MLLT3: variants seen among roughly 807,000 people sequenced by gnomAD.
MLLT3 encodes protein AF-9.
Under a neutral mutation model 53.2 loss-of-function variants are expected in MLLT3, and 4 were observed. The observed-to-expected ratio is 0.08, with a 90% CI of 0.04 to 0.17. MLLT3 has a LOEUF of 0.17. MLLT3 is among the 10% of genes least tolerant of loss of function. The pLI, the probability that MLLT3 is intolerant of heterozygous loss-of-function variation, is 1.00. For missense variants in MLLT3, 569 were observed against 684.0 expected, an observed-to-expected ratio of 0.83 and a Z score of 1.87; for synonymous variants, 283 against 230.6, an observed-to-expected ratio of 1.23 and a Z score of -2.06.
At chr9:20,582,228 A>G (rs1380883720) in intron 2 of MLLT3, among the ~76,000 whole-genome samples, 1 of 152,160 alleles carries the variant, frequency 6.6e-6, no homozygotes, top group African/African-American at 2.4e-5. Context: ...CAACATTGAC[A>G]CACTATTAAC....
At chr9:20,596,003 C>T (rs964393422) in intron 2 of MLLT3, among the ~76,000 whole-genome samples, 1 of 152,146 alleles carries the variant, frequency 6.6e-6, no homozygotes, top group African/African-American at 2.4e-5. Context: ...CCACATATGT[C>T]TAGTGGCTAT....
chr9:20,576,865 A>G (rs1054541350), intron 2 of MLLT3, among the ~76,000 whole-genome samples: 9 of 152,160 alleles, frequency 5.9e-5, no homozygotes, highest in Admixed American at 3.3e-4. Flanking sequence ...ATCCAGCCAG[A>G]TGTGGTGGCA....
At chr9:20,567,569 T>A (rs779408372) in intron 2 of MLLT3, among the ~76,000 whole-genome samples, 7 of 152,104 alleles carry the variant, frequency 4.6e-5, no homozygotes, top group Non-Finnish European at 7.4e-5. Context: ...ACAGTTCTCC[T>A]TTTCCTTGCC....
intron 2 of MLLT3, among the ~76,000 whole-genome samples, chr9:20,615,336 C>T (rs1171605743): frequency 8.1e-6 from 1 of 123,754 alleles, no homozygotes; most frequent in African/African-American, 3.1e-5. Flanking sequence ...ACAACCCAGC[C>T]TGGGTGACAG....
At chr9:20,499,653 T>C (rs1825167683) in intron 2 of MLLT3, among the ~76,000 whole-genome samples, 1 of 152,220 alleles carries the variant, frequency 6.6e-6, no homozygotes, top group Non-Finnish European at 1.5e-5. Context: ...TTCCTTGCAA[T>C]ACAATCAGCT....
At chr9:20,522,677 TG>T (rs943257539) in intron 2 of MLLT3, among the ~76,000 whole-genome samples, 6 of 114,052 alleles carry the variant, frequency 5.3e-5, no homozygotes, top group African/African-American at 1.0e-4. Flanking sequence ...TAAAAACAGT[TG>T]TTTTTTTTCT....
intron 4 of MLLT3, among the ~76,000 whole-genome samples, chr9:20,434,308 G>C (rs1347015058): frequency 6.6e-6 from 1 of 152,028 alleles, no homozygotes; most frequent in Non-Finnish European, 1.5e-5. Flanking sequence ...AGGGACAACG[G>C]AGCATCAATA....
chr9:20,382,487 A>T (rs1821929922), intron 5 of MLLT3: 1 of 151,902 alleles, frequency 6.6e-6, no homozygotes, highest in South Asian at 2.1e-4. Flanking sequence ...TCTTGAAAAG[A>T]AAGAAGTCTC....
At position 20,342,848 on chromosome 9, in the gene MLLT3, AT is replaced by A; in HGVS notation, c.*3594del. On this transcript the variant is annotated 3_prime_UTR_variant, in exon 11 of 11. Transcript: ENST00000380338. ...AATATATATGTGTATATATATATATATATGTATATATAAATATAGGAGCAGT... is the reference window on the plus strand; with the variant it reads ...AATATATATGTGTATATATATATATAATGTATATATAAATATAGGAGCAGT... 5.8e-6 allele frequency: 1 copy of A among 172,788 alleles called. No homozygotes were observed. The highest frequency in any genetic ancestry group is 1.0e-4 in the East Asian group (1 of 9,768). 10.7% of individuals were successfully genotyped at this position (172,788 alleles called of 1,614,324 possible).
At chr9:20,498,306 G>A (rs1477089856) in intron 2 of MLLT3, among the ~76,000 whole-genome samples, 1 of 147,510 alleles carries the variant, frequency 6.8e-6, no homozygotes, top group African/African-American at 2.5e-5. Context: ...ACTTGGTGTG[G>A]TCAGTCTTTT....
chr9:20,549,572 G>C (rs1448371199), intron 2 of MLLT3, among the ~76,000 whole-genome samples: 1 of 152,214 alleles, frequency 6.6e-6, no homozygotes, highest in Non-Finnish European at 1.5e-5. Flanking sequence ...GATGAAGAAA[G>C]TATGGAAATG....
chr9:20,614,779 T>C (rs1028057349), intron 2 of MLLT3, among the ~76,000 whole-genome samples: 4 of 152,146 alleles, frequency 2.6e-5, no homozygotes, highest in Non-Finnish European at 5.9e-5. Context: ...TTCTATATCT[T>C]AGAACTGTAA....
chr9:20,622,065 C>CGG (rs71334542), intron 1 of MLLT3, 180 bp downstream of exon 1: 2,473 of 58,778 alleles, frequency 0.042, 84 homozygotes, highest in South Asian at 0.072. Flanking sequence ...GTGTGCGCGC[C>CGG]GGGGGGGGGT....
At chr9:20,500,736 T>C (rs114393917) in intron 2 of MLLT3, among the ~76,000 whole-genome samples, 252 of 152,304 alleles carry the variant, frequency 1.7e-3, no homozygotes, top group African/African-American at 5.7e-3. Context: ...CAGTTGAGTA[T>C]ACCCTATTGA....
chr9:20,465,752 C>G (rs1015793005), intron 2 of MLLT3, among the ~76,000 whole-genome samples: 1 of 152,102 alleles, frequency 6.6e-6, no homozygotes, highest in African/African-American at 2.4e-5. Flanking sequence ...AGCTCTACTT[C>G]TTTTTCCCCC....
At chr9:20,432,925 C>T (rs1045481440) in intron 4 of MLLT3, among the ~76,000 whole-genome samples, 1 of 151,942 alleles carries the variant, frequency 6.6e-6, no homozygotes, top group Non-Finnish European at 1.5e-5. Flanking sequence ...TAAGTATGTG[C>T]CTTTGAATGA....
At chr9:20,563,310 A>T (rs996203197) in intron 2 of MLLT3, among the ~76,000 whole-genome samples, 4 of 151,574 alleles carry the variant, frequency 2.6e-5, no homozygotes, top group African/African-American at 9.7e-5. Context: ...TTTTTTAAAG[A>T]TCACTTGCTA....
At position 20,483,695 on chromosome 9, in the gene MLLT3, ACT is replaced by A. The variant is rs1203074954; in HGVS notation, c.194-26911_194-26910del. 2.9e-3 allele frequency among the ~76,000 whole-genome samples: 383 copies of A among 134,098 alleles called. 1 individual carries two copies. The highest frequency in any genetic ancestry group is 6.2e-3 in the Admixed American group (75 of 12,112). 88.0% of individuals were successfully genotyped at this position (134,098 alleles called of 152,430 possible). On this transcript the variant is annotated intron_variant, in intron 2 of 10. Transcript: ENST00000380338. ...CTAACGAGATAACACAGTCAGTAAA[ACT>A]CTTTTTTTTTTTTTTTTTTTTTTTT...
intron 2 of MLLT3, among the ~76,000 whole-genome samples, chr9:20,520,126 C>T (rs2118977563): frequency 6.6e-6 from 1 of 152,176 alleles, no homozygotes; most frequent in Middle Eastern, 3.4e-3. Flanking sequence ...CATGTTCTCA[C>T]TTATAAGTGG....
Sources: gnomAD v4.1 joint callset for allele counts (sites outside exome capture counted in the v4.1 genomes callset) on GRCh38, gnomAD v4.1.1 for gene constraint, MANE v1.5 for transcripts, NCBI Gene and HGNC (gene_info 2026-07-23, HGNC 2026-07-21) for gene names.